FHIT: variants seen among roughly 807,000 people sequenced by gnomAD.
FHIT encodes the protein fragile histidine triad diadenosine triphosphatase, also known as bis(5'-adenosyl)-triphosphatase.
Under a neutral mutation model 17.9 loss-of-function variants are expected in FHIT, and 19 were observed. The ratio of observed to expected loss-of-function variants is 1.06; its 90% CI spans 0.74 to 1.56. The LOEUF (loss-of-function observed/expected upper bound fraction) is 1.56. Among genes scored for constraint, FHIT ranks in the 40% most tolerant of loss-of-function variants. The probability of loss-of-function intolerance (pLI) is 0.00; values close to 1 mark genes in which losing one functional copy is unlikely to be tolerated. For synonymous variants in FHIT, 81 were observed against 69.7 expected, an observed-to-expected ratio of 1.16 and a Z score of -0.81; for missense variants, 248 against 189.2, an observed-to-expected ratio of 1.31 and a Z score of -1.82.
intron 5 of FHIT, among the ~76,000 whole-genome samples, chr3:60,124,025 G>GACAGAGAGAGAGAGAGAC (rs1553690960): frequency 7.5e-5 from 4 of 53,524 alleles, no homozygotes; most frequent in Non-Finnish European, 9.7e-5. Flanking sequence ...GAGAGAGAGA[G>GACAGAGAGAGAGAGAGAC]AGAGAGAGAG....
At chr3:60,492,727 G>A (rs1054898536) in intron 5 of FHIT, among the ~76,000 whole-genome samples, 6 of 151,796 alleles carry the variant, frequency 4.0e-5, no homozygotes, top group African/African-American at 1.5e-4. Flanking sequence ...GGCTGGTCTT[G>A]AACTCCTGAC....
intron 2 of FHIT, among the ~76,000 whole-genome samples, chr3:61,172,513 G>A (rs947202603): frequency 6.6e-6 from 1 of 152,182 alleles, no homozygotes; most frequent in Non-Finnish European, 1.5e-5. Context: ...ACATCCCACT[G>A]TGCATCTTTT....
chr3:60,637,704 T>C (rs782414322), intron 4 of FHIT, among the ~76,000 whole-genome samples: 1 of 152,212 alleles, frequency 6.6e-6, no homozygotes, highest in African/African-American at 2.4e-5. Flanking sequence ...AAAACATATA[T>C]ACAGTATGTG....
At chr3:60,288,338 G>C (rs963971319) in intron 5 of FHIT, among the ~76,000 whole-genome samples, 1 of 152,080 alleles carries the variant, frequency 6.6e-6, no homozygotes, top group Non-Finnish European at 1.5e-5. Context: ...ATGTCACTAG[G>C]AGGAGAATTT....
At chr3:59,901,370 G>A (rs906843410) in intron 8 of FHIT, among the ~76,000 whole-genome samples, 1 of 152,146 alleles carries the variant, frequency 6.6e-6, no homozygotes, top group Non-Finnish European at 1.5e-5. Flanking sequence ...CCAATCTCGG[G>A]AGAGGTATCA....
At chr3:60,375,698 G>C (rs1700528778) in intron 5 of FHIT, among the ~76,000 whole-genome samples, 1 of 152,048 alleles carries the variant, frequency 6.6e-6, no homozygotes, top group Non-Finnish European at 1.5e-5. Context: ...TCATATTCTG[G>C]AGCTGTCTTC....
intron 3 of FHIT, among the ~76,000 whole-genome samples, chr3:60,851,624 T>A (rs1439024300): frequency 6.6e-6 from 1 of 152,148 alleles, no homozygotes; most frequent in African/African-American, 2.4e-5. Context: ...AACTCAATTA[T>A]ATTTAAGATC....
intron 4 of FHIT, among the ~76,000 whole-genome samples, chr3:60,611,856 T>C (rs2038795746): frequency 1.3e-5 from 2 of 152,206 alleles, no homozygotes; most frequent in Non-Finnish European, 2.9e-5. Flanking sequence ...ATATGGAGGT[T>C]AGTGAAAACT....
At chr3:60,513,774 T>G (rs2035036519) in intron 5 of FHIT, among the ~76,000 whole-genome samples, 1 of 152,082 alleles carries the variant, frequency 6.6e-6, no homozygotes, top group Non-Finnish European at 1.5e-5. Flanking sequence ...TGGCCTTAAA[T>G]GAGAATAGGC....
chr3:59,749,624 C>G (rs9829538), intron 9 of FHIT, 45 bp from the exon 10 acceptor site: 7 of 230,576 alleles, frequency 3.0e-5, no homozygotes, highest in Non-Finnish European at 6.0e-5. Flanking sequence ...ATTCTAACAT[C>G]AGAAATCTTC....
chr3:60,189,432 A>G (rs975840136), intron 5 of FHIT, among the ~76,000 whole-genome samples: 8 of 152,166 alleles, frequency 5.3e-5, no homozygotes, highest in African/African-American at 1.9e-4. Context: ...CCCACAATCA[A>G]TCATTCAGGC....
At chr3:60,955,597 C>CATATATATATATATATATATAT (rs201555469) in intron 3 of FHIT, among the ~76,000 whole-genome samples, 1 of 77,652 alleles carries the variant, frequency 1.3e-5, no homozygotes, top group Non-Finnish European at 2.7e-5. Context: ...CATATATATA[C>CATATATATATATATATATATAT]ATATATATAT....
intron 3 of FHIT, among the ~76,000 whole-genome samples, chr3:60,840,716 A>G (rs1702699171): frequency 6.6e-6 from 1 of 152,162 alleles, no homozygotes; most frequent in South Asian, 2.1e-4. Flanking sequence ...TTTCTCTTAT[A>G]ATTATGTGAC....
chr3:61,204,922 C>T (rs2039164444), intron 1 of FHIT, among the ~76,000 whole-genome samples: 1 of 151,844 alleles, frequency 6.6e-6, no homozygotes, highest in South Asian at 2.1e-4. Flanking sequence ...GTGCTGCACC[C>T]ATTAACTCAT....
intron 5 of FHIT, among the ~76,000 whole-genome samples, chr3:60,375,515 C>T (rs1700516235): frequency 1.3e-5 from 2 of 152,006 alleles, no homozygotes; most frequent in African/African-American, 4.8e-5. Flanking sequence ...GCAGAGGTTG[C>T]AGTGAGCAGA....
chr3:60,120,534 T>C (rs1373260881), intron 5 of FHIT, among the ~76,000 whole-genome samples: 3 of 152,250 alleles, frequency 2.0e-5, no homozygotes, highest in Middle Eastern at 3.2e-3. Context: ...AATTTCCTAT[T>C]TGATTAAGAG....
At chr3:60,300,577 G>A (rs185979006) in intron 5 of FHIT, among the ~76,000 whole-genome samples, 9 of 152,148 alleles carry the variant, frequency 5.9e-5, no homozygotes, top group Admixed American at 3.3e-4. Flanking sequence ...AGTTGTGGTC[G>A]TATAAGATGA....
At chr3:60,248,785 G>T (rs1379695764) in intron 5 of FHIT, among the ~76,000 whole-genome samples, 1 of 152,072 alleles carries the variant, frequency 6.6e-6, no homozygotes, top group Non-Finnish European at 1.5e-5. Context: ...AAAACAGCAG[G>T]TGCTAGAAGG....
chr3:60,359,995 T>C (rs1699838698), intron 5 of FHIT, among the ~76,000 whole-genome samples: 4 of 143,226 alleles, frequency 2.8e-5, no homozygotes, highest in South Asian at 4.2e-4. Flanking sequence ...TTTTTTTTTT[T>C]TCTTTTTTTT....
Sources: allele counts gnomAD v4.1 joint callset (sites outside exome capture counted in the v4.1 genomes callset), GRCh38; gene constraint gnomAD v4.1.1; transcripts MANE v1.5; gene names NCBI Gene and HGNC (gene_info 2026-07-23, HGNC 2026-07-21).